FGFR2: variants seen among roughly 807,000 people sequenced by gnomAD.
The protein encoded by FGFR2 is BEK fibroblast growth factor receptor.
Under a neutral mutation model 95.9 loss-of-function variants are expected in FGFR2, and 19 were observed. The observed-to-expected ratio is 0.20, with a 90% confidence interval of 0.14 to 0.29. The LOEUF is 0.29. Among genes scored for constraint, FGFR2 ranks in the 10% least tolerant of loss-of-function variants. FGFR2 has a pLI of 1.00. For synonymous variants in FGFR2, 392 were observed against 393.3 expected, an observed-to-expected ratio of 1.00 and a Z score of 0.04; for missense variants, 707 against 1,056.9, an observed-to-expected ratio of 0.67 and a Z score of 4.59.
At chr10:121,572,806 C>T (rs770690313) in intron 2 of FGFR2, among the ~76,000 whole-genome samples, 3 of 152,136 alleles carry the variant, frequency 2.0e-5, no homozygotes, top group Non-Finnish European at 4.4e-5. Flanking sequence ...CCTGACTCTC[C>T]GAGCCCCTCA....
intron 9 of FGFR2, among the ~76,000 whole-genome samples, chr10:121,508,524 C>G (rs1848614289): frequency 6.6e-6 from 1 of 152,222 alleles, no homozygotes; most frequent in African/African-American, 2.4e-5. Context: ...TCACATGTAT[C>G]TACACCATCC....
intron 1 of FGFR2, among the ~76,000 whole-genome samples, chr10:121,595,825 G>A (rs933774514): frequency 1.6e-4 from 25 of 152,204 alleles, no homozygotes; most frequent in African/African-American, 6.0e-4. Flanking sequence ...TGGACAGGGC[G>A]CTCCGCTGAA....
intron 2 of FGFR2, among the ~76,000 whole-genome samples, chr10:121,580,257 A>ATT (rs1860626540): frequency 1.3e-5 from 2 of 152,180 alleles, no homozygotes; most frequent in Non-Finnish European, 2.9e-5. Context: ...TGGCAAGTTG[A>ATT]TTTAAAGGGC....
At chr10:121,529,736 TC>T (rs1422545402) in intron 6 of FGFR2, among the ~76,000 whole-genome samples, 26 of 152,264 alleles carry the variant, frequency 1.7e-4, no homozygotes, top group African/African-American at 6.0e-4. Context: ...TCTAGAAATT[TC>T]CATCCCAATT....
intron 6 of FGFR2, among the ~76,000 whole-genome samples, chr10:121,534,429 C>A (rs146097868): frequency 1.1e-4 from 16 of 144,398 alleles, no homozygotes; most frequent in African/African-American, 4.1e-4. Context: ...GAGTTTCACT[C>A]TTGCTGCCCA....
At chr10:121,496,050 G>A (rs1377293168) in intron 13 of FGFR2, among the ~76,000 whole-genome samples, 2 of 152,140 alleles carry the variant, frequency 1.3e-5, no homozygotes, top group Non-Finnish European at 2.9e-5. Context: ...CAGAGCTCCA[G>A]GACGCAAGGT....
intron 12 of FGFR2, among the ~76,000 whole-genome samples, chr10:121,497,147 A>AAAAAG (rs1489013672): frequency 9.6e-4 from 145 of 150,616 alleles, no homozygotes; most frequent in African/African-American, 3.4e-3. Context: ...AAAAAAAAAA[A>AAAAAG]AAGAAGAAGA....
At chr10:121,494,682 G>A (rs1846546655) in intron 13 of FGFR2, among the ~76,000 whole-genome samples, 1 of 152,074 alleles carries the variant, frequency 6.6e-6, no homozygotes, top group Admixed American at 6.5e-5. Context: ...CTGTCTCCAT[G>A]TCCTGCCCCA....
intron 4 of FGFR2, among the ~76,000 whole-genome samples, chr10:121,553,025 G>A (rs1855612680): frequency 6.6e-6 from 1 of 152,096 alleles, no homozygotes; most frequent in South Asian, 2.1e-4. Flanking sequence ...CCAGACTCAG[G>A]GTACAATCAG....
chr10:121,517,383 A>C lies in FGFR2; in HGVS notation c.1020T>G (p.Tyr340Ter). 6.2e-7 allele frequency: 1 copy of C among 1,614,236 alleles called. No homozygotes were observed. Among genetic ancestry groups the C allele is most frequent in the Non-Finnish European group, 8.5e-7 (1 of 1,180,032 alleles). Residue 340 changes from tyrosine (Y) to a stop codon, truncating the protein, a stop_gained, in exon 8 of 18, where the codon TAT becomes TAG. Coordinates refer to ENST00000358487, the MANE Select transcript of FGFR2 (RefSeq NM_000141.5). LOFTEE classifies it high-confidence loss of function. The surrounding 1 kb of genome is among the most constrained non-coding windows in gnomAD (Gnocchi z 4.7). ...RNVTFEDAGEYTCLAGNSIGI... is the reference protein window; with the variant it reads ...RNVTFEDAGE ...CAATAGAATTACCCGCCAAGCACGT[A>C]TATTCCCCAGCGTCCTCAAAAGTTA...
intron 13 of FGFR2, among the ~76,000 whole-genome samples, chr10:121,489,136 G>C (rs563677104): frequency 6.6e-6 from 1 of 151,990 alleles, no homozygotes; most frequent in African/African-American, 2.4e-5. Context: ...GCAATGGTGC[G>C]ATCTTGGCTC....
intron 17 of FGFR2, 188 bp from the exon 18 acceptor site, chr10:121,480,209 A>T (rs1844498526): frequency 1.3e-6 from 1 of 747,348 alleles, no homozygotes; most frequent in Non-Finnish European, 2.4e-6. Context: ...TAGAAGGTGA[A>T]CAGAGACCCA....
At chr10:121,507,121 T>G (rs1217168261) in intron 9 of FGFR2, among the ~76,000 whole-genome samples, 2 of 152,228 alleles carry the variant, frequency 1.3e-5, no homozygotes, top group Admixed American at 6.5e-5. Context: ...CCTGTGCTCA[T>G]CATTCACAAC....
At chr10:121,498,743 T>A in intron 11 of FGFR2, 138 bp from the exon 12 acceptor site, 1 of 773,698 alleles carries the variant, frequency 1.3e-6, no homozygotes, top group Non-Finnish European at 2.2e-6. Context: ...ATCATCTCCC[T>A]CATTTTATCG....
intron 13 of FGFR2, among the ~76,000 whole-genome samples, chr10:121,493,067 C>T (rs1309546069): frequency 6.6e-6 from 1 of 152,176 alleles, no homozygotes; most frequent in Non-Finnish European, 1.5e-5. Context: ...GTCCTCCTGA[C>T]ACATCTGGTC....
chr10:121,574,553 T>C (rs1017488830), intron 2 of FGFR2, among the ~76,000 whole-genome samples: 1 of 150,378 alleles, frequency 6.6e-6, no homozygotes, highest in Admixed American at 6.6e-5. Context: ...TAATAATAAT[T>C]AAATTAAAAA....
At position 121,564,533 on chromosome 10, in the gene FGFR2, T is replaced by G; in HGVS notation, c.423A>C (p.Glu141Asp). Residue 141 changes from glutamate (E) to aspartate (D), a missense_variant, in exon 4 of 18, where the codon GAA (glutamate) becomes GAC (aspartate). Transcript: ENST00000358487. ...TGTTACTGTTCTCACTGACAAAATC[T>G]TCCGCACCATCGGTGTCATCCTCAT... The part of the protein sequence containing the change: ...GDDEDDTDGA[E>D]DFVSENSNNK... The G allele has an allele frequency of 6.2e-7, 1 of 1,614,034 alleles. No homozygotes were observed. Among genetic ancestry groups the G allele is most frequent in the Non-Finnish European group, 8.5e-7 (1 of 1,180,018 alleles).
In FGFR2 at chr10:121,564,509, G is replaced by A; in HGVS notation, c.447C>T (p.Asn149=). 6.2e-7 allele frequency: 1 copy of A among 1,613,874 alleles called. No homozygotes were observed. The highest frequency in any genetic ancestry group is 8.5e-7 in the Non-Finnish European group (1 of 1,179,908). Residue 149 remains asparagine, a synonymous_variant, in exon 4 of 18, where the codon AAC becomes AAT. Transcript: ENST00000358487. ...GAEDFVSENS[N]NKRAPYWTNT... The stretch of plus-strand genomic sequence containing the variant: ...AGCCGGGCAGTTACTTACTCTTGTT[G>A]TTACTGTTCTCACTGACAAAATCTT...
intron 5 of FGFR2, among the ~76,000 whole-genome samples, chr10:121,548,194 G>GA (rs1221522656): frequency 1.4e-5 from 2 of 143,804 alleles, no homozygotes; most frequent in African/African-American, 5.0e-5. Flanking sequence ...GAAAGGAGAG[G>GA]ACCACGCCAG....
Sources: allele counts gnomAD v4.1 joint callset (sites outside exome capture counted in the v4.1 genomes callset), GRCh38; gene constraint gnomAD v4.1.1; non-coding constraint Gnocchi (gnomAD v3.1); transcripts MANE v1.5; gene names NCBI Gene and HGNC (gene_info 2026-07-23, HGNC 2026-07-21).